The following TASP1 variants were observed in gnomAD, a reference collection of about 807,000 sequenced individuals.
The protein encoded by TASP1 is threonine aspartase 1.
Under a neutral mutation model 56.6 loss-of-function variants are expected in TASP1, and 16 were observed. That is an observed-to-expected ratio of 0.28 (90% CI 0.19 to 0.43). The LOEUF (loss-of-function observed/expected upper bound fraction) is 0.43, where lower values mean the gene tolerates loss of function less well. Ranked by LOEUF, TASP1 falls within the 20% of genes least tolerant of loss-of-function variation. TASP1 has a pLI of 1.00. For missense variants in TASP1, 393 were observed against 511.6 expected, an observed-to-expected ratio of 0.77 and a Z score of 2.24; for synonymous variants, 179 against 184.2, an observed-to-expected ratio of 0.97 and a Z score of 0.23.
the TASP1 span, among the ~76,000 whole-genome samples, chr20:13,291,615 G>A: frequency 1.3e-5 from 2 of 152,166 alleles, no homozygotes; most frequent in African/African-American, 4.8e-5. Context: ...TTGGTTAGGG[G>A]TGGTAGTTTG....
chr20:13,323,763 G>A, the TASP1 span, among the ~76,000 whole-genome samples: 2 of 152,056 alleles, frequency 1.3e-5, no homozygotes, highest in Non-Finnish European at 2.9e-5. Context: ...TGGAAAAAAA[G>A]CCTTCTTCTT....
At chr20:13,489,227 T>C (rs2043433709) in intron 10 of TASP1, among the ~76,000 whole-genome samples, 2 of 152,150 alleles carry the variant, frequency 1.3e-5, no homozygotes, top group East Asian at 1.9e-4. Context: ...GAGGCCACCC[T>C]GCTGTTCCAG....
chr20:13,498,329 TTTTGTG>T (rs1460110484), intron 10 of TASP1, among the ~76,000 whole-genome samples: 387 of 116,034 alleles, frequency 3.3e-3, no homozygotes, highest in African/African-American at 0.012. Context: ...TTTTCTTTTC[TTTTGTG>T]TGTGTGTGTG....
chr20:13,410,498 T>C (rs1161025946), intron 13 of TASP1, among the ~76,000 whole-genome samples: 2 of 152,168 alleles, frequency 1.3e-5, no homozygotes, highest in Admixed American at 1.3e-4. Context: ...CTGCTATATT[T>C]TGTCTTTTTA....
chr20:13,229,630 T>C, the TASP1 span, among the ~76,000 whole-genome samples: 6 of 152,220 alleles, frequency 3.9e-5, no homozygotes, highest in African/African-American at 1.4e-4. Flanking sequence ...TTAGTATTCT[T>C]ACACAAGCCT....
chr20:13,137,507 G>A, the TASP1 span, among the ~76,000 whole-genome samples: 6 of 152,036 alleles, frequency 3.9e-5, no homozygotes, highest in Admixed American at 1.3e-4. Context: ...GCTATATAGT[G>A]TTATATTTTA....
the TASP1 span, among the ~76,000 whole-genome samples, chr20:13,309,671 A>G: frequency 6.6e-6 from 1 of 152,222 alleles, no homozygotes; most frequent in Non-Finnish European, 1.5e-5. Flanking sequence ...CTGTTTGCAG[A>G]TGGTATTATC....
chr20:13,461,931 C>A (rs1422694227), intron 11 of TASP1, among the ~76,000 whole-genome samples: 2 of 152,048 alleles, frequency 1.3e-5, no homozygotes, highest in African/African-American at 4.8e-5. Context: ...AAAGAAGCCC[C>A]ATTTTGTGGA....
At chr20:13,358,127 G>A in the TASP1 span, among the ~76,000 whole-genome samples, 1,595 of 150,500 alleles carry the variant, frequency 0.011, 33 homozygotes, top group African/African-American at 0.036. Flanking sequence ...AGCACCTTGC[G>A]ACCCTCACTC....
chr20:13,107,833 T>C, the TASP1 span, among the ~76,000 whole-genome samples: 2 of 151,872 alleles, frequency 1.3e-5, no homozygotes, highest in Non-Finnish European at 2.9e-5. Context: ...ATTGGTAGCA[T>C]ACAGGTAGCA....
chr20:13,440,848 C>G (rs1447791504), intron 11 of TASP1, among the ~76,000 whole-genome samples: 3 of 152,112 alleles, frequency 2.0e-5, no homozygotes, highest in African/African-American at 7.2e-5. Flanking sequence ...TATGGCTTCC[C>G]CCAGCATCTT....
At chr20:13,395,625 CTGGGTAG>C (rs1568743121) in intron 13 of TASP1, among the ~76,000 whole-genome samples, 12 of 151,890 alleles carry the variant, frequency 7.9e-5, no homozygotes, top group African/African-American at 2.9e-4. Flanking sequence ...GTATTGTGAA[CTGGGTAG>C]TACCTTACAT....
At chr20:13,345,889 A>T in the TASP1 span, among the ~76,000 whole-genome samples, 2 of 143,522 alleles carry the variant, frequency 1.4e-5, no homozygotes, top group Non-Finnish European at 3.1e-5. Flanking sequence ...CTCTTTGGTG[A>T]TAACACTTAG....
At chr20:13,604,644 C>T (rs1390546001) in intron 4 of TASP1, among the ~76,000 whole-genome samples, 1 of 152,182 alleles carries the variant, frequency 6.6e-6, no homozygotes, top group Non-Finnish European at 1.5e-5. Flanking sequence ...TAAAGTCTGC[C>T]TTACCACCTT....
At chr20:13,188,820 A>T in the TASP1 span, among the ~76,000 whole-genome samples, 1 of 152,214 alleles carries the variant, frequency 6.6e-6, no homozygotes, top group Non-Finnish European at 1.5e-5. Context: ...TTGAGTCCTC[A>T]TGGATGAACT....
the TASP1 span, among the ~76,000 whole-genome samples, chr20:13,187,751 A>C: frequency 2.8e-3 from 417 of 150,866 alleles, 1 homozygote; most frequent in African/African-American, 9.3e-3. Context: ...AAAAAAAAAA[A>C]AAAAAAGACA....
chr20:13,369,594 T>G, the TASP1 span, among the ~76,000 whole-genome samples: 1 of 152,220 alleles, frequency 6.6e-6, no homozygotes, highest in South Asian at 2.1e-4. Flanking sequence ...AATGTAGTAG[T>G]CAACTCTCAG....
chr20:13,360,859 G>T, the TASP1 span, among the ~76,000 whole-genome samples: 1 of 152,046 alleles, frequency 6.6e-6, no homozygotes, highest in African/African-American at 2.4e-5. Flanking sequence ...GTATCTCTCT[G>T]ATCCACCTGA....
chr20:13,381,145 G>A, the TASP1 span, among the ~76,000 whole-genome samples: 4 of 152,190 alleles, frequency 2.6e-5, no homozygotes, highest in African/African-American at 9.6e-5. Context: ...CCTGCAGCTA[G>A]CTCGGTGTCT....
Sources: gnomAD v4.1 joint callset for allele counts (sites outside exome capture counted in the v4.1 genomes callset) on GRCh38, gnomAD v4.1.1 for gene constraint, MANE v1.5 for transcripts, NCBI Gene and HGNC (gene_info 2026-07-23, HGNC 2026-07-21) for gene names.